DIXDC1: variants seen among roughly 807,000 people sequenced by gnomAD.
DIXDC1 encodes the protein dixin.
A neutral mutation model predicts 103.1 loss-of-function variants in DIXDC1; 64 were observed. The observed-to-expected ratio is 0.62, with a 90% CI of 0.51 to 0.76. The LOEUF is 0.76. Among genes scored for constraint, DIXDC1 ranks in the 30% least tolerant of loss-of-function variants. The pLI is 0.00. For synonymous variants in DIXDC1, 266 were observed against 298.5 expected, an observed-to-expected ratio of 0.89 and a Z score of 1.12; for missense variants, 759 against 834.2, an observed-to-expected ratio of 0.91 and a Z score of 1.11.
At chr11:111,947,332 T>C (rs1288700981) in intron 1 of DIXDC1, among the ~76,000 whole-genome samples, 3 of 152,212 alleles carry the variant, frequency 2.0e-5, no homozygotes, top group African/African-American at 7.2e-5. Context: ...AGTAACAGCC[T>C]CCTGTAAAAG....
chr11:112,005,971 AGG>A (rs1253078842), intron 17 of DIXDC1, among the ~76,000 whole-genome samples: 7 of 152,314 alleles, frequency 4.6e-5, no homozygotes, highest in Middle Eastern at 3.4e-3. Context: ...GAACCAAAGC[AGG>A]GCAGGGCGTC....
chr11:111,928,145 C>T (rs1353927625), intron 1 of DIXDC1, among the ~76,000 whole-genome samples: 3 of 152,158 alleles, frequency 2.0e-5, no homozygotes, highest in African/African-American at 4.8e-5. Flanking sequence ...CACTTTTTCC[C>T]GGCCCGTTGT....
intron 1 of DIXDC1, among the ~76,000 whole-genome samples, chr11:111,939,237 C>T (rs916881077): frequency 2.8e-4 from 43 of 152,318 alleles, no homozygotes; most frequent in African/African-American, 9.6e-4. Flanking sequence ...ATTTTCACTT[C>T]GAAACCTTTC....
chr11:112,013,407 A>C (rs1371994338), intron 17 of DIXDC1, among the ~76,000 whole-genome samples: 1 of 150,232 alleles, frequency 6.7e-6, no homozygotes, highest in Non-Finnish European at 1.5e-5. Context: ...CTGTTTTGCT[A>C]TTTCACTCCA....
At chr11:111,996,579 G>A (rs1045379865) in intron 17 of DIXDC1, among the ~76,000 whole-genome samples, 1 of 152,150 alleles carries the variant, frequency 6.6e-6, no homozygotes, top group Non-Finnish European at 1.5e-5. Flanking sequence ...GGCCGGGCGC[G>A]GTGGCTCACG....
chr11:111,945,042 G>A (rs1555169236), intron 1 of DIXDC1, among the ~76,000 whole-genome samples: 1 of 152,170 alleles, frequency 6.6e-6, no homozygotes, highest in African/African-American at 2.4e-5. Flanking sequence ...ATAGGAAGTG[G>A]ACGTTATTGA....
chr11:111,991,080 G>A (rs1860697817), intron 10 of DIXDC1, among the ~76,000 whole-genome samples: 1 of 152,186 alleles, frequency 6.6e-6, no homozygotes, highest in South Asian at 2.1e-4. Flanking sequence ...ATGTTTTTAA[G>A]TGGCTGCTTT....
chr11:111,983,621 G>A (rs1360426861), intron 7 of DIXDC1, among the ~76,000 whole-genome samples: 1 of 152,112 alleles, frequency 6.6e-6, no homozygotes, highest in Non-Finnish European at 1.5e-5. Flanking sequence ...ACCCAACCAG[G>A]TTGTTCCCAG....
intron 1 of DIXDC1, among the ~76,000 whole-genome samples, chr11:111,961,392 G>A (rs949110337): frequency 1.3e-5 from 2 of 152,132 alleles, no homozygotes; most frequent in African/African-American, 2.4e-5. Flanking sequence ...TACTGTTTGG[G>A]TAACCATGAA....
At chr11:111,992,336 A>T in intron 10 of DIXDC1, 79 bp from the exon 11 acceptor site, 1 of 1,286,152 alleles carries the variant, frequency 7.8e-7, no homozygotes. Flanking sequence ...GAAACACATT[A>T]AAGGCTTTAG....
chr11:112,007,329 G>C (rs1334039254), intron 17 of DIXDC1, among the ~76,000 whole-genome samples: 1 of 152,180 alleles, frequency 6.6e-6, no homozygotes, highest in African/African-American at 2.4e-5. Flanking sequence ...ATCTACGTTT[G>C]ATTGGTGTAC....
At chr11:111,961,999 C>T (rs1025695152) in intron 1 of DIXDC1, among the ~76,000 whole-genome samples, 1 of 152,106 alleles carries the variant, frequency 6.6e-6, no homozygotes, top group African/African-American at 2.4e-5. Context: ...CTATGTACCC[C>T]GTCATAGCTT....
chr11:112,002,135 C>T (rs1861087812), intron 17 of DIXDC1, among the ~76,000 whole-genome samples: 1 of 151,818 alleles, frequency 6.6e-6, no homozygotes, highest in African/African-American at 2.4e-5. Context: ...GAATTTGCAC[C>T]CACTTGCAGA....
chr11:111,982,086 TG>T, intron 6 of DIXDC1: 1 of 307,098 alleles, frequency 3.3e-6, no homozygotes, highest in African/African-American at 2.1e-5. Context: ...AAGGCTCCCG[TG>T]GAGGGAATCT....
chr11:111,956,893 A>G (rs1258348631), intron 1 of DIXDC1, among the ~76,000 whole-genome samples: 1 of 151,966 alleles, frequency 6.6e-6, no homozygotes, highest in Non-Finnish European at 1.5e-5. Flanking sequence ...AGGGCCAGGC[A>G]TGGGAGTTCA....
Position 112,017,680 on chromosome 11 carries a change from T to C in DIXDC1, c.1863-97T>C. The C allele has an allele frequency of 5.1e-6, 5 of 982,142 alleles. No individual in the cohort carries two copies. The highest frequency in any genetic ancestry group is 7.7e-6 in the Non-Finnish European group (5 of 652,498). 60.8% of individuals were successfully genotyped at this position (982,142 alleles called of 1,614,324 possible). A position where few individuals can be genotyped will look rare whatever the true frequency, so the allele number is the denominator to read the frequency against. On this transcript the variant is annotated intron_variant, in intron 18 of 19. Coordinates refer to ENST00000440460, the MANE Select transcript of DIXDC1 (RefSeq NM_001037954.4). The surrounding 1 kb of genome is among the most constrained non-coding windows in gnomAD (Gnocchi z 4.0). ...TGACCTAACAAGGGGCTATTTCTGCTTATTGACTTTGGCAGGGGGCTGTGT... is the reference window on the plus strand; with the variant it reads ...TGACCTAACAAGGGGCTATTTCTGCCTATTGACTTTGGCAGGGGGCTGTGT...
At position 112,017,872 on chromosome 11, in the gene DIXDC1, C is replaced by G; in HGVS notation, c.1958C>G (p.Thr653Ser). The change falls in exon 19 of 20, where the codon ACT becomes AGT. Residue 653 changes from threonine (T) to serine (S), a missense_variant. Transcript: ENST00000440460. This position sits in a 1 kb window ranked among gnomAD's most constrained non-coding sequence, Gnocchi z 4.0. ...AAAGCACTGGATCCTGAGTTTGGCA[C>G]TGTCAAAGAGGAGGTAAAGAATCTG... ...HFKALDPEFG[T>S]VKEEIFHDDD... 6.2e-7 allele frequency: 1 copy of G among 1,608,708 alleles called. No homozygotes were observed.
intron 1 of DIXDC1, among the ~76,000 whole-genome samples, chr11:111,952,132 C>G (rs1966832276): frequency 1.3e-5 from 2 of 152,146 alleles, no homozygotes; most frequent in South Asian, 4.1e-4. Flanking sequence ...TCCCAAAGTG[C>G]TGGGATTATA....
rs1347739875 is a variant in DIXDC1 at position 111,977,367 on chromosome 11, G to A, written c.656+2384G>A. The A allele has an allele frequency of 1.1e-5, 12 of 1,068,116 alleles. No homozygotes were observed. The highest frequency in any genetic ancestry group is 1.7e-5 in the African/African-American group (1 of 58,232). 66.2% of individuals were successfully genotyped at this position (1,068,116 alleles called of 1,614,324 possible). A position where few individuals can be genotyped will look rare whatever the true frequency, so the allele number is the denominator to read the frequency against. Reference sequence around the variant, plus strand: ...GGGGACTCGAGGCGCAGCCTGCGCCGCCGGGAGCCTCCCTCCCAGTGGGAG... The same window carrying A: ...GGGGACTCGAGGCGCAGCCTGCGCCACCGGGAGCCTCCCTCCCAGTGGGAG... On this transcript the variant is annotated intron_variant, in intron 5 of 19. Coordinates refer to ENST00000440460, the MANE Select transcript of DIXDC1 (RefSeq NM_001037954.4). This position sits in a 1 kb window ranked among gnomAD's most constrained non-coding sequence, Gnocchi z 6.1.
Sources: allele counts gnomAD v4.1 joint callset (sites outside exome capture counted in the v4.1 genomes callset), GRCh38; gene constraint gnomAD v4.1.1; non-coding constraint Gnocchi (gnomAD v3.1); transcripts MANE v1.5; gene names NCBI Gene and HGNC (gene_info 2026-07-23, HGNC 2026-07-21).